SND1: variants seen among roughly 807,000 people sequenced by gnomAD.
The protein encoded by SND1 is staphylococcal nuclease domain-containing protein 1.
A neutral mutation model predicts 121.7 loss-of-function variants in SND1; 38 were observed. The observed-to-expected ratio is 0.31, with a 90% CI of 0.24 to 0.41. The LOEUF (loss-of-function observed/expected upper bound fraction) is 0.41, where lower values mean the gene tolerates loss of function less well. Among genes scored for constraint, SND1 ranks in the 10% least tolerant of loss-of-function variants. The pLI is 1.00. For missense variants in SND1, 868 were observed against 1,184.6 expected, an observed-to-expected ratio of 0.73 and a Z score of 3.92; for synonymous variants, 401 against 447.4, an observed-to-expected ratio of 0.90 and a Z score of 1.31.
At chr7:127,928,354 A>G (rs1563061109) in intron 14 of SND1, among the ~76,000 whole-genome samples, 1 of 152,152 alleles carries the variant, frequency 6.6e-6, no homozygotes, top group Admixed American at 6.5e-5. Context: ...AACATAGAGC[A>G]GGAGTTGCTG....
At chr7:127,691,318 G>A (rs1269263815) in intron 2 of SND1, among the ~76,000 whole-genome samples, 7 of 151,978 alleles carry the variant, frequency 4.6e-5, no homozygotes, top group South Asian at 2.1e-4. Flanking sequence ...CGAGGCGGGC[G>A]GATCATGAGG....
At chr7:127,682,424 A>G (rs753062604) in intron 1 of SND1, among the ~76,000 whole-genome samples, 13 of 152,180 alleles carry the variant, frequency 8.5e-5, no homozygotes, top group African/African-American at 1.7e-4. Context: ...CATAACCTCA[A>G]TCAAACTGAC....
chr7:127,784,654 A>C (rs1486106413), intron 10 of SND1, among the ~76,000 whole-genome samples: 1 of 152,194 alleles, frequency 6.6e-6, no homozygotes, highest in Non-Finnish European at 1.5e-5. Context: ...AACTGGGAAA[A>C]ACTTCACTAT....
intron 11 of SND1, among the ~76,000 whole-genome samples, chr7:127,813,200 C>A (rs879203726): frequency 6.6e-6 from 1 of 152,206 alleles, no homozygotes; most frequent in Admixed American, 6.5e-5. Flanking sequence ...AGAGTTCTCC[C>A]ACTTGGAAGT....
At chr7:127,738,210 A>G (rs958624612) in intron 10 of SND1, among the ~76,000 whole-genome samples, 1 of 150,112 alleles carries the variant, frequency 6.7e-6, no homozygotes, top group African/African-American at 2.5e-5. Context: ...AGGTACATTG[A>G]TTACTCCTAG....
At chr7:127,712,954 T>C (rs958692885) in intron 9 of SND1, among the ~76,000 whole-genome samples, 1 of 152,248 alleles carries the variant, frequency 6.6e-6, no homozygotes, top group Non-Finnish European at 1.5e-5. Context: ...AATCTCCAAG[T>C]AATTGGCAGT....
chr7:127,871,211 G>A (rs928598881), intron 12 of SND1, among the ~76,000 whole-genome samples: 1 of 152,068 alleles, frequency 6.6e-6, no homozygotes, highest in Non-Finnish European at 1.5e-5. Context: ...TCTACCTGAG[G>A]CTGTTTTACA....
intron 10 of SND1, among the ~76,000 whole-genome samples, chr7:127,777,666 TAC>T (rs1797645922): frequency 6.6e-6 from 1 of 152,298 alleles, no homozygotes; most frequent in Non-Finnish European, 1.5e-5. Flanking sequence ...AAATGTGACA[TAC>T]TATTTGTCAG....
intron 2 of SND1, among the ~76,000 whole-genome samples, chr7:127,687,338 A>G (rs1420724750): frequency 6.6e-6 from 1 of 152,196 alleles, no homozygotes; most frequent in African/African-American, 2.4e-5. Flanking sequence ...TTTAAGGTTC[A>G]GAGGGTACAT....
intron 4 of SND1, 99 bp from the exon 5 acceptor site, chr7:127,701,064 C>A: frequency 7.5e-7 from 1 of 1,327,484 alleles, no homozygotes; most frequent in Non-Finnish European, 1.0e-6. Context: ...CCTTTGTTGT[C>A]TTCAAGGGGT....
intron 1 of SND1, among the ~76,000 whole-genome samples, chr7:127,666,453 G>C (rs1389798367): frequency 2.0e-5 from 3 of 152,152 alleles, no homozygotes; most frequent in Non-Finnish European, 4.4e-5. Flanking sequence ...TTGATTTTTG[G>C]AAGTGGTTGA....
intron 12 of SND1, among the ~76,000 whole-genome samples, chr7:127,877,288 TCTC>T (rs1334563106): frequency 2.0e-5 from 3 of 152,170 alleles, no homozygotes; most frequent in African/African-American, 7.2e-5. Context: ...CCTTCTTCCT[TCTC>T]CTTTGCTAAA....
intron 12 of SND1, among the ~76,000 whole-genome samples, chr7:127,865,368 G>T (rs1056396040): frequency 3.9e-5 from 6 of 152,154 alleles, no homozygotes; most frequent in African/African-American, 1.4e-4. Flanking sequence ...GTATCATACA[G>T]TTTTTCTTCA....
chr7:127,846,187 C>A (rs1201572142), intron 12 of SND1, among the ~76,000 whole-genome samples: 1 of 152,130 alleles, frequency 6.6e-6, no homozygotes, highest in Non-Finnish European at 1.5e-5. Flanking sequence ...AGGTTTGTGC[C>A]AGAGATAATG....
At chr7:128,067,602 C>T (rs1793337778) in intron 16 of SND1, among the ~76,000 whole-genome samples, 1 of 152,160 alleles carries the variant, frequency 6.6e-6, no homozygotes, top group Admixed American at 6.5e-5. Context: ...GGCAGCCCAC[C>T]TTCCTTGGTA....
intron 11 of SND1, among the ~76,000 whole-genome samples, chr7:127,827,452 C>A (rs1423066728): frequency 6.6e-6 from 1 of 152,086 alleles, no homozygotes; most frequent in Non-Finnish European, 1.5e-5. Context: ...TTTCAAAATA[C>A]CCCTTTTCAT....
chr7:128,031,034 C>CGGGGAGGGCAGA (rs1417820186), intron 16 of SND1: 1 of 17,032 alleles, frequency 5.9e-5, no homozygotes, highest in African/African-American at 2.2e-4. Flanking sequence ...GTGGTGGGGG[C>CGGGGAGGGCAGA]GGGGAGGGCA....
At position 127,841,955 on chromosome 7, in the gene SND1, C is replaced by T. The variant is rs537732856; in HGVS notation, c.1243-2369C>T. Among the ~76,000 whole-genome samples, 9 of 152,314 alleles carry T rather than the reference C, an allele frequency of 5.9e-5. No individual in the cohort carries two copies. The East Asian group carries it at 7.7e-4, about 13-fold the overall frequency. On this transcript the variant is annotated intron_variant, in intron 11 of 23. Coordinates refer to ENST00000354725, the MANE Select transcript of SND1 (RefSeq NM_014390.4). Reference sequence around the variant, plus strand: ...TCATAAGAATGATTTACCTTAACCTCAGCCCTTAATTGGCTTGGGCTCTGA... The same window carrying T: ...TCATAAGAATGATTTACCTTAACCTTAGCCCTTAATTGGCTTGGGCTCTGA...
intron 16 of SND1, among the ~76,000 whole-genome samples, chr7:128,024,818 G>T (rs775048904): frequency 7.9e-5 from 12 of 152,198 alleles, no homozygotes; most frequent in Non-Finnish European, 1.5e-4. Context: ...AGCTGGGGTA[G>T]ATACAGTGGA....
Sources: gnomAD v4.1 joint callset for allele counts (sites outside exome capture counted in the v4.1 genomes callset) on GRCh38, gnomAD v4.1.1 for gene constraint, MANE v1.5 for transcripts, NCBI Gene and HGNC (gene_info 2026-07-23, HGNC 2026-07-21) for gene names.